ITGA1: variants seen among roughly 807,000 people sequenced by gnomAD.
ITGA1 encodes the protein integrin subunit alpha 1, also known as integrin alpha-1.
A neutral mutation model predicts 145.9 loss-of-function variants in ITGA1; 85 were observed. The ratio of observed to expected loss-of-function variants is 0.58; its 90% CI spans 0.49 to 0.70. The LOEUF (loss-of-function observed/expected upper bound fraction) is 0.70. ITGA1 is among the 30% of genes least tolerant of loss of function. The probability of loss-of-function intolerance (pLI) is 0.00; values close to 1 mark genes in which losing one functional copy is unlikely to be tolerated. For missense variants in ITGA1, 1,351 were observed against 1,418.7 expected (o/e 0.95, Z 0.77); for synonymous variants, 520 against 495.3 (o/e 1.05, Z -0.66).
chr5:52,802,114 A>T (rs1748501460), intron 1 of ITGA1: 1 of 330,870 alleles, frequency 3.0e-6, no homozygotes, highest in South Asian at 4.8e-5. Context: ...GAAACAGAAA[A>T]TGTGTGTATT....
chr5:52,940,408 T>C (rs1394737606), intron 26 of ITGA1, among the ~76,000 whole-genome samples: 4 of 119,532 alleles, frequency 3.3e-5, no homozygotes, highest in African/African-American at 1.2e-4. Flanking sequence ...ATGAAGCCTT[T>C]TTTCTTTTTT....
chr5:52,844,329 GTCT>G (rs1489805746), intron 1 of ITGA1, among the ~76,000 whole-genome samples: 1 of 152,166 alleles, frequency 6.6e-6, no homozygotes, highest in African/African-American at 2.4e-5. Context: ...TTGTAGAAAA[GTCT>G]TCTCCCCAAA....
chr5:52,811,311 G>T (rs1215197088), intron 1 of ITGA1, among the ~76,000 whole-genome samples: 1 of 152,130 alleles, frequency 6.6e-6, no homozygotes, highest in Non-Finnish European at 1.5e-5. Flanking sequence ...TTCTTCATCT[G>T]CAGAATGAGC....
chr5:52,862,310 G>A (rs369917101), intron 3 of ITGA1, among the ~76,000 whole-genome samples: 51 of 152,012 alleles, frequency 3.4e-4, no homozygotes, highest in Non-Finnish European at 6.6e-4. Flanking sequence ...TGGTCGAGCG[G>A]TCTAAGGCGC....
chr5:52,874,917 A>G (rs1333150429), intron 6 of ITGA1, among the ~76,000 whole-genome samples: 4 of 152,328 alleles, frequency 2.6e-5, no homozygotes, highest in Non-Finnish European at 5.9e-5. Context: ...ATTGTTTCCC[A>G]GTCTGAGGTG....
chr5:52,812,357 C>T lies in ITGA1; in HGVS notation c.61+23943C>T, dbSNP rs1748695418. Among the ~76,000 whole-genome samples the T allele has an allele frequency of 2.0e-5, 3 of 152,316 alleles. No individual in the cohort carries two copies. In the South Asian group the frequency reaches 6.2e-4, roughly 32 times the overall value. On this transcript the variant is annotated intron_variant, in intron 1 of 28. Coordinates refer to ENST00000282588, the MANE Select transcript of ITGA1 (RefSeq NM_181501.2). ...AGAAAGGTAGAGAACCCAGATCCCA[C>T]CCACTTCTTGAAGCTTATAATCATT...
At chr5:52,946,122 T>C (rs1025826010) in intron 27 of ITGA1, among the ~76,000 whole-genome samples, 1 of 152,228 alleles carries the variant, frequency 6.6e-6, no homozygotes, top group Admixed American at 6.5e-5. Flanking sequence ...TATATCTATA[T>C]TGATAAAATT....
chr5:52,952,220 G>T (rs558571440), intron 28 of ITGA1, among the ~76,000 whole-genome samples, 187 bp from the exon 29 acceptor site: 2 of 150,458 alleles, frequency 1.3e-5, no homozygotes, highest in African/African-American at 4.9e-5. Flanking sequence ...AAAAGAAACA[G>T]CAATTTAATA....
Position 52,937,474 on chromosome 5 carries a change from G to T in ITGA1, c.3038G>T (p.Gly1013Val), listed in dbSNP as rs1306900279. The change falls in exon 24 of 29, where the codon GGT (glycine) becomes GTT (valine). Residue 1013 changes from glycine to valine, a missense_variant. Physicochemically the swap from Gly to Val is moderately radical, Grantham distance 109. Transcript: ENST00000282588. ...TCATTCCCCAATATGACATCAAATGGTTACCCTGTGCTGTACCCAACTGGA... is the reference window on the plus strand; with the variant it reads ...TCATTCCCCAATATGACATCAAATGTTTACCCTGTGCTGTACCCAACTGGA... ...SISFPNMTSNGYPVLYPTGLS... is the reference protein window; with the variant it reads ...SISFPNMTSNVYPVLYPTGLS... 5 of 1,613,182 alleles carry T rather than the reference G, an allele frequency of 3.1e-6. No homozygotes were observed. The East Asian group carries it at 1.1e-4, about 36-fold the overall frequency.
At chr5:52,949,101 GC>G (rs776316623) in intron 28 of ITGA1, among the ~76,000 whole-genome samples, 11 of 152,056 alleles carry the variant, frequency 7.2e-5, no homozygotes, top group Non-Finnish European at 1.6e-4. Context: ...CAAACTTTGG[GC>G]TGTCTTACCC....
At chr5:52,901,989 C>T (rs1333008112) in intron 11 of ITGA1, 4 of 152,142 alleles carry the variant, frequency 2.6e-5, no homozygotes, top group South Asian at 2.1e-4. Context: ...AGGACAAATA[C>T]CTTGTGTTTT....
rs1748154599 is a variant in ITGA1 at position 52,787,958 on chromosome 5, A to T, written c.-396A>T. 1.1e-5 allele frequency: 2 copies of T among 177,272 alleles called. No homozygotes were observed. The highest frequency in any genetic ancestry group is 4.7e-5 in the African/African-American group (2 of 42,542). The allele number at this position is 177,272 out of a possible 1,614,324, so 11.0% of individuals were successfully genotyped here. ...CTTAGGGGATTTGGCCCGGAGAACG[A>T]GATCACCCTCTCAATGAAAGGCAGA... On this transcript the variant is annotated 5_prime_UTR_variant, in exon 1 of 29. Coordinates refer to ENST00000282588, the MANE Select transcript of ITGA1 (RefSeq NM_181501.2).
intron 28 of ITGA1, among the ~76,000 whole-genome samples, chr5:52,951,563 GT>G (rs1274474779): frequency 1.3e-5 from 2 of 152,148 alleles, no homozygotes; most frequent in East Asian, 3.9e-4. Context: ...GATATAGTGT[GT>G]TTTCAAGAGG....
intron 1 of ITGA1, chr5:52,800,539 A>C (rs769542363): frequency 1.2e-6 from 2 of 1,614,046 alleles, no homozygotes; most frequent in Admixed American, 3.3e-5. Flanking sequence ...CAAGGTACAG[A>C]CAGAGTCCTC....
At chr5:52,918,151 C>A (rs962431359) in intron 15 of ITGA1, among the ~76,000 whole-genome samples, 3 of 152,064 alleles carry the variant, frequency 2.0e-5, no homozygotes, top group African/African-American at 7.2e-5. Flanking sequence ...TAGCTTTTGA[C>A]CTGGCATAAA....
intron 1 of ITGA1, among the ~76,000 whole-genome samples, chr5:52,827,285 T>C (rs1249204895): frequency 6.6e-6 from 1 of 152,144 alleles, no homozygotes; most frequent in Non-Finnish European, 1.5e-5. Context: ...TGTGACTGAA[T>C]TGCTGTGATC....
At chr5:52,845,183 G>A (rs1749313637) in intron 1 of ITGA1, among the ~76,000 whole-genome samples, 1 of 152,008 alleles carries the variant, frequency 6.6e-6, no homozygotes, top group African/African-American at 2.4e-5. Flanking sequence ...TTGAGGAGGG[G>A]GTACCACAAA....
chr5:52,856,246 A>C (rs1048256129), intron 2 of ITGA1, among the ~76,000 whole-genome samples: 2 of 151,988 alleles, frequency 1.3e-5, no homozygotes, highest in African/African-American at 4.8e-5. Context: ...TCCTGTCTCC[A>C]CACTTTTCCC....
chr5:52,947,321 A>G (rs750856383), intron 27 of ITGA1, 24 bp from the exon 28 acceptor site: 6 of 1,417,608 alleles, frequency 4.2e-6, no homozygotes, highest in Non-Finnish European at 6.0e-6. Context: ...TATTATGTTA[A>G]CAATCTTGTT....
Sources: allele counts gnomAD v4.1 joint callset (sites outside exome capture counted in the v4.1 genomes callset), GRCh38; gene constraint gnomAD v4.1.1; transcripts MANE v1.5; gene names NCBI Gene and HGNC (gene_info 2026-07-23, HGNC 2026-07-21).